GSE1: variants seen among roughly 807,000 people sequenced by gnomAD.
GSE1 encodes genetic suppressor element 1.
Under a neutral mutation model 112.6 loss-of-function variants are expected in GSE1, and 32 were observed. That is an observed-to-expected ratio of 0.28 (90% CI 0.21 to 0.38). The LOEUF is 0.38. GSE1 is among the 10% of genes least tolerant of loss of function. The probability of loss-of-function intolerance (pLI) is 1.00; values close to 1 mark genes in which losing one functional copy is unlikely to be tolerated. For synonymous variants in GSE1, 1,115 were observed against 735.6 expected, an observed-to-expected ratio of 1.52 and a Z score of -8.35; for missense variants, 2,348 against 1,699.2, an observed-to-expected ratio of 1.38 and a Z score of -6.71.
At chr16:85,324,509 C>CAAAAAAA (rs58493568) in intron 1 of GSE1, among the ~76,000 whole-genome samples, 1 of 98,106 alleles carries the variant, frequency 1.0e-5, no homozygotes. Context: ...GACTCCCTCT[C>CAAAAAAA]AAAAAAAAAA....
intron 1 of GSE1, among the ~76,000 whole-genome samples, chr16:85,288,516 G>C (rs867536696): frequency 5.3e-5 from 8 of 152,236 alleles, no homozygotes; most frequent in African/African-American, 1.9e-4. Flanking sequence ...ACAACCTGTT[G>C]AGAGCCCGCT....
At chr16:85,627,815 CCT>C (rs1397818809) in intron 1 of GSE1, among the ~76,000 whole-genome samples, 2 of 152,226 alleles carry the variant, frequency 1.3e-5, no homozygotes, top group Admixed American at 1.3e-4. Context: ...TTAATAAATA[CCT>C]CTCTAATGAG....
intron 1 of GSE1, among the ~76,000 whole-genome samples, chr16:85,201,997 G>C (rs2075037419): frequency 6.6e-6 from 1 of 152,238 alleles, no homozygotes; most frequent in Non-Finnish European, 1.5e-5. Context: ...AATGTTTAAA[G>C]AGTTTTTAAA....
intron 2 of GSE1, among the ~76,000 whole-genome samples, chr16:85,640,800 TGCG>T (rs894774274): frequency 3.3e-5 from 5 of 152,356 alleles, no homozygotes; most frequent in Admixed American, 1.3e-4. Flanking sequence ...GGTGTCAGTC[TGCG>T]GCGGCGGCGG....
chr16:85,671,892 T>G (rs2053372525), intron 15 of GSE1: 2 of 159,934 alleles, frequency 1.3e-5, no homozygotes, highest in Admixed American at 1.2e-4. Flanking sequence ...CTCCCAAAGT[T>G]TTTACATCTG....
rs1201963474 is a variant in GSE1 at position 85,668,451 on chromosome 16, G to A, written c.3415+27G>A. 6 of 1,339,290 alleles carry A rather than the reference G, an allele frequency of 4.5e-6. No individual in the cohort carries two copies. The Admixed American group carries it at 5.2e-5, about 12-fold the overall frequency. The allele number at this position is 1,339,290 out of a possible 1,614,324, so 83.0% of individuals were successfully genotyped here. On this transcript the variant is annotated intron_variant, in intron 14 of 15. Coordinates refer to ENST00000253458, the MANE Select transcript of GSE1 (RefSeq NM_014615.5). The stretch of plus-strand genomic sequence containing the variant: ...TAAGGGGGTGCTGGGGAAGAGGGGG[G>A]AGGGGGTCAGGAAAGTACCTTTGGA...
At chr16:85,666,503 A>G (rs935738063) in intron 13 of GSE1, 156 bp downstream of exon 13, 3 of 707,158 alleles carry the variant, frequency 4.2e-6, no homozygotes, top group South Asian at 3.7e-5. Flanking sequence ...TGCCAAAACC[A>G]TGTTTGTTTG....
intron 14 of GSE1, among the ~76,000 whole-genome samples, chr16:85,669,951 A>G (rs910275733): frequency 2.6e-5 from 4 of 152,204 alleles, no homozygotes; most frequent in Non-Finnish European, 5.9e-5. Context: ...TTTTTAGCCC[A>G]TGGCTTTCCC....
rs138462630 is a variant in GSE1 at position 85,581,049 on chromosome 16, G to A, written c.37+24686G>A. ...TGAGCTCTTGCCCTGCTGGACATTAGGTCAGAGGGACACTGGTGGTTGGCT... is the reference window on the plus strand; with the variant it reads ...TGAGCTCTTGCCCTGCTGGACATTAAGTCAGAGGGACACTGGTGGTTGGCT... On this transcript the variant is annotated intron_variant, in intron 1 of 2. Coordinates refer to the GSE1 transcript ENST00000635906. 6.0e-3 allele frequency among the ~76,000 whole-genome samples: 913 copies of A among 152,344 alleles called. 8 individuals carry two copies. The highest frequency in any genetic ancestry group is 0.021 in the African/African-American group (859 of 41,584).
chr16:85,566,884 G>C (rs2045772281), intron 1 of GSE1, among the ~76,000 whole-genome samples: 1 of 152,226 alleles, frequency 6.6e-6, no homozygotes, highest in Non-Finnish European at 1.5e-5. Flanking sequence ...ACTTGCTGTG[G>C]AGGGGCCGCA....
intron 1 of GSE1, among the ~76,000 whole-genome samples, chr16:85,341,753 G>A (rs931408488): frequency 5.9e-5 from 9 of 152,088 alleles, no homozygotes; most frequent in Non-Finnish European, 1.0e-4. Context: ...TCCTGCCCTG[G>A]CCCCCCAAAA....
intron 1 of GSE1, among the ~76,000 whole-genome samples, chr16:85,307,804 A>C (rs1950804656): frequency 6.6e-6 from 1 of 152,234 alleles, no homozygotes; most frequent in Admixed American, 6.5e-5. Context: ...AGGGTGGCTA[A>C]GCCCTCAGGT....
intron 1 of GSE1, among the ~76,000 whole-genome samples, chr16:85,624,060 A>AC (rs2048909932): frequency 6.6e-6 from 1 of 152,128 alleles, no homozygotes; most frequent in Non-Finnish European, 1.5e-5. Context: ...TGGGGAGAGG[A>AC]GAGGGGCCTG....
At chr16:85,384,732 G>A (rs2047647057) in intron 2 of GSE1, among the ~76,000 whole-genome samples, 1 of 152,212 alleles carries the variant, frequency 6.6e-6, no homozygotes. Flanking sequence ...ATGAGCTCCA[G>A]CTAATGAAGC....
chr16:85,250,306 T>C (rs1906326713), intron 1 of GSE1, among the ~76,000 whole-genome samples: 1 of 152,190 alleles, frequency 6.6e-6, no homozygotes, highest in Non-Finnish European at 1.5e-5. Context: ...TGGCGCCCTG[T>C]TTGCGCCAGC....
rs183855380 is a variant in GSE1 at position 85,307,369 on chromosome 16, T to C, written c.2284-50094T>C. Among the ~76,000 whole-genome samples the C allele has an allele frequency of 3.7e-3, 561 of 152,340 alleles. 7 individuals carry two copies. Among genetic ancestry groups the C allele is most frequent in the African/African-American group, 0.013 (533 of 41,578 alleles). On this transcript the variant is annotated intron_variant, in intron 1 of 2. Transcript: ENST00000637419. ...AGATCACCTTCACTTCTGACACACC[T>C]GCCTAGCTCAGGGGGCCCCAGGACA...
At chr16:85,346,787 A>G (rs1032374895) in intron 1 of GSE1, among the ~76,000 whole-genome samples, 4 of 146,522 alleles carry the variant, frequency 2.7e-5, no homozygotes, top group African/African-American at 1.0e-4. Context: ...GGATGGATGG[A>G]TGGACAGGTA....
intron 2 of GSE1, among the ~76,000 whole-genome samples, chr16:85,442,325 G>C (rs2049395133): frequency 6.6e-6 from 1 of 152,146 alleles, no homozygotes; most frequent in African/African-American, 2.4e-5. Context: ...TTACCGTCCT[G>C]GCCCCATCTC....
intron 2 of GSE1, among the ~76,000 whole-genome samples, chr16:85,389,333 A>ACG (rs1567729491): frequency 6.6e-6 from 1 of 151,804 alleles, no homozygotes; most frequent in Non-Finnish European, 1.5e-5. Flanking sequence ...GGTGGCAGGC[A>ACG]CCTGTAATCC....
Sources: allele counts gnomAD v4.1 joint callset (sites outside exome capture counted in the v4.1 genomes callset), GRCh38; gene constraint gnomAD v4.1.1; transcripts MANE v1.5; gene names NCBI Gene and HGNC (gene_info 2026-07-23, HGNC 2026-07-21).